FAM168A: variants seen among roughly 807,000 people sequenced by gnomAD.
FAM168A encodes protein FAM168A.
A neutral mutation model predicts 28.5 loss-of-function variants in FAM168A; 3 were observed. That is an observed-to-expected ratio of 0.11 (90% CI 0.05 to 0.27). The LOEUF is 0.27. Ranked by LOEUF, FAM168A falls within the 10% of genes least tolerant of loss-of-function variation. FAM168A has a pLI of 1.00. For missense variants in FAM168A, 222 were observed against 311.5 expected (o/e 0.71, Z 2.16); for synonymous variants, 122 against 124.2 (o/e 0.98, Z 0.12).
At chr11:73,408,263 G>C (rs1245030662) in intron 6 of FAM168A, among the ~76,000 whole-genome samples, 2 of 152,122 alleles carry the variant, frequency 1.3e-5, no homozygotes, top group Non-Finnish European at 2.9e-5. Context: ...ACACTAACCT[G>C]GGTGTTCCTT....
At chr11:73,503,286 A>G (rs943154855) in intron 1 of FAM168A, among the ~76,000 whole-genome samples, 1 of 152,240 alleles carries the variant, frequency 6.6e-6, no homozygotes, top group African/African-American at 2.4e-5. Flanking sequence ...TTGAACTGAT[A>G]AGCAACTTCA....
At chr11:73,570,818 G>C (rs1944077699) in intron 1 of FAM168A, among the ~76,000 whole-genome samples, 1 of 151,796 alleles carries the variant, frequency 6.6e-6, no homozygotes, top group Admixed American at 6.6e-5. Context: ...GCAAATATCA[G>C]TTGACATTAT....
At chr11:73,511,969 T>C (rs531606438) in intron 1 of FAM168A, among the ~76,000 whole-genome samples, 2 of 152,332 alleles carry the variant, frequency 1.3e-5, no homozygotes, top group Non-Finnish European at 2.9e-5. Flanking sequence ...TATCTTTACA[T>C]ACTCTTTATC....
chr11:73,482,017 C>A (rs1867973778), intron 1 of FAM168A, among the ~76,000 whole-genome samples: 1 of 152,078 alleles, frequency 6.6e-6, no homozygotes, highest in Non-Finnish European at 1.5e-5. Context: ...AAGGTGCTGT[C>A]TTAGAAACAG....
intron 1 of FAM168A, among the ~76,000 whole-genome samples, chr11:73,477,962 TAGATAGATAAAAC>T (rs1162178010): frequency 3.4e-5 from 5 of 145,426 alleles, no homozygotes; most frequent in African/African-American, 1.3e-4. Flanking sequence ...GATAGATAGA[TAGATAGATAAAAC>T]AAGGTATAAA....
At chr11:73,579,623 A>G (rs1944220870) in intron 1 of FAM168A, among the ~76,000 whole-genome samples, 2 of 152,260 alleles carry the variant, frequency 1.3e-5, no homozygotes, top group African/African-American at 2.4e-5. Context: ...AAATGTAATT[A>G]AATGGAAATT....
chr11:73,494,142 A>G (rs1854816684), intron 1 of FAM168A, among the ~76,000 whole-genome samples: 1 of 152,184 alleles, frequency 6.6e-6, no homozygotes, highest in Non-Finnish European at 1.5e-5. Flanking sequence ...ATGTACATAT[A>G]CATGTACATG....
intron 1 of FAM168A, among the ~76,000 whole-genome samples, chr11:73,541,098 G>A (rs572977990): frequency 2.4e-4 from 37 of 151,912 alleles, no homozygotes; most frequent in Non-Finnish European, 4.7e-4. Flanking sequence ...CCAGCTACTC[G>A]GGAGGCTGAG....
chr11:73,492,299 C>T (rs977277243), intron 1 of FAM168A, among the ~76,000 whole-genome samples: 8 of 152,132 alleles, frequency 5.3e-5, no homozygotes, highest in African/African-American at 1.9e-4. Context: ...CCAGCACATC[C>T]TGAAAAAATA....
At chr11:73,483,760 T>C (rs1158953189) in intron 1 of FAM168A, among the ~76,000 whole-genome samples, 3 of 152,222 alleles carry the variant, frequency 2.0e-5, no homozygotes, top group Non-Finnish European at 4.4e-5. Flanking sequence ...GGTGTTCATT[T>C]GGAAGAAGTA....
At chr11:73,441,205 C>T (rs1411652995) in intron 2 of FAM168A, among the ~76,000 whole-genome samples, 5 of 151,940 alleles carry the variant, frequency 3.3e-5, no homozygotes, top group Non-Finnish European at 7.4e-5. Context: ...ATTACAGGCA[C>T]ATGCCACCAC....
At chr11:73,474,241 G>C (rs938767797) in intron 1 of FAM168A, among the ~76,000 whole-genome samples, 4 of 152,174 alleles carry the variant, frequency 2.6e-5, no homozygotes, top group Admixed American at 6.5e-5. Flanking sequence ...AGATCAAGGG[G>C]ACGGCATCTG....
intron 1 of FAM168A, among the ~76,000 whole-genome samples, chr11:73,492,129 T>C (rs1332673194): frequency 6.6e-6 from 1 of 152,100 alleles, no homozygotes; most frequent in African/African-American, 2.4e-5. Context: ...TGCCCAGACT[T>C]TACCCTGACT....
chr11:73,469,138 A>G (rs1348387203), intron 1 of FAM168A, among the ~76,000 whole-genome samples: 1 of 152,230 alleles, frequency 6.6e-6, no homozygotes, highest in Non-Finnish European at 1.5e-5. Context: ...TATTCAAGGG[A>G]AAGAAATAAA....
chr11:73,492,227 G>A lies in FAM168A; in HGVS notation c.-18-23735C>T, dbSNP rs191219134. On this transcript the variant is annotated intron_variant, in intron 1 of 7. Transcript: ENST00000356467. The stretch of plus-strand genomic sequence containing the variant: ...CCAAGAAGATGGCTGAGGCAAGAAC[G>A]AAAGATCAAGATAGACAAAAAAGAA... Among the ~76,000 whole-genome samples the A allele has an allele frequency of 2.4e-3, 365 of 152,240 alleles. 3 individuals are homozygous for A. Among genetic ancestry groups the A allele is most frequent in the Non-Finnish European group, 2.9e-3 (195 of 68,016 alleles).
chr11:73,427,975 C>T (rs547128896), intron 3 of FAM168A, among the ~76,000 whole-genome samples: 4 of 152,150 alleles, frequency 2.6e-5, no homozygotes, highest in Non-Finnish European at 5.9e-5. Context: ...GGTTAAGAAC[C>T]CTCCTTGATC....
intron 2 of FAM168A, among the ~76,000 whole-genome samples, chr11:73,432,514 G>C (rs1221664021): frequency 1.3e-5 from 2 of 152,102 alleles, no homozygotes; most frequent in Non-Finnish European, 2.9e-5. Flanking sequence ...GTTTTGAATT[G>C]CATTTCCCTA....
chr11:73,464,185 A>AT (rs1406068007), intron 2 of FAM168A, among the ~76,000 whole-genome samples: 1 of 146,400 alleles, frequency 6.8e-6, no homozygotes, highest in Non-Finnish European at 1.5e-5. Flanking sequence ...CAGAATTGTT[A>AT]TTAAAAAAAA....
At chr11:73,471,621 T>G (rs893426208) in intron 1 of FAM168A, among the ~76,000 whole-genome samples, 12 of 152,220 alleles carry the variant, frequency 7.9e-5, no homozygotes, top group African/African-American at 2.9e-4. Context: ...ATGCTCTATC[T>G]GGGATGGGGC....
Sources: gnomAD v4.1 joint callset for allele counts (sites outside exome capture counted in the v4.1 genomes callset) on GRCh38, gnomAD v4.1.1 for gene constraint, MANE v1.5 for transcripts, NCBI Gene and HGNC (gene_info 2026-07-23, HGNC 2026-07-21) for gene names.